Variants in ADAMTS17 observed in about 807,000 individuals in gnomAD.
The protein encoded by ADAMTS17 is A disintegrin and metalloproteinase with thrombospondin motifs 17.
Under a neutral mutation model 141.5 loss-of-function variants are expected in ADAMTS17, and 113 were observed. The ratio of observed to expected loss-of-function variants is 0.80; its 90% CI spans 0.69 to 0.93. ADAMTS17 has a LOEUF of 0.93. Among genes scored for constraint, ADAMTS17 ranks in the 40% least tolerant of loss-of-function variants. ADAMTS17 has a pLI of 0.00. For missense variants in ADAMTS17, 1,659 were observed against 1,517.9 expected, an observed-to-expected ratio of 1.09 and a Z score of -1.54; for synonymous variants, 768 against 630.6, an observed-to-expected ratio of 1.22 and a Z score of -3.27.
intron 11 of ADAMTS17, 21 bp downstream of exon 11, chr15:100,133,193 C>A (rs1475002034): frequency 1.3e-6 from 2 of 1,564,808 alleles, no homozygotes; most frequent in South Asian, 1.2e-5. Context: ...CTGTTGGGGG[C>A]AGTGGGAAGT....
intron 18 of ADAMTS17, among the ~76,000 whole-genome samples, chr15:100,031,010 G>A (rs1330031498): frequency 6.6e-6 from 1 of 152,188 alleles, no homozygotes; most frequent in Non-Finnish European, 1.5e-5. Context: ...GGCGTTCACG[G>A]AGTGCTGACT....
rs188497349 is a variant in ADAMTS17 at position 100,258,517 on chromosome 15, T to G, written c.1031+2962A>C. Among the ~76,000 whole-genome samples the G allele has an allele frequency of 3.2e-3, 487 of 152,318 alleles. 3 individuals carry two copies. The highest frequency in any genetic ancestry group is 5.3e-3 in the Non-Finnish European group (363 of 68,026). Reference sequence around the variant, plus strand: ...GGCTGGGGAGGCCTCACAATCATGGTGGAAGGCGAAAGGCACGTCTCACAT... The same window carrying G: ...GGCTGGGGAGGCCTCACAATCATGGGGGAAGGCGAAAGGCACGTCTCACAT... On this transcript the variant is annotated intron_variant, in intron 6 of 21. Transcript: ENST00000268070.
intron 10 of ADAMTS17, among the ~76,000 whole-genome samples, chr15:100,146,174 C>CA (rs960526698): frequency 2.0e-5 from 3 of 151,698 alleles, no homozygotes; most frequent in Admixed American, 6.6e-5. Context: ...ACTCCATCTC[C>CA]AAAAAAACAA....
At chr15:100,294,442 T>C (rs2044740990) in intron 3 of ADAMTS17, among the ~76,000 whole-genome samples, 1 of 151,554 alleles carries the variant, frequency 6.6e-6, no homozygotes. Context: ...GATACAAAAA[T>C]AACAGTTTTG....
Position 100,309,392 on chromosome 15 carries a change from A to G in ADAMTS17, c.616+21497T>C, listed in dbSNP as rs562501530. On this transcript the variant is annotated intron_variant, in intron 3 of 21. Coordinates refer to ENST00000268070, the MANE Select transcript of ADAMTS17 (RefSeq NM_139057.4). ...ACAAAAAATGGAATGGCTATTCCCC[A>G]CAGCTGTGATGGTGGTCGGCGCTGG... Among the ~76,000 whole-genome samples, 30 of 152,300 alleles carry G rather than the reference A, an allele frequency of 2.0e-4. No homozygotes were observed. The South Asian group carries it at 5.2e-3, about 26-fold the overall frequency.
At chr15:100,164,202 T>C (rs1484977368) in intron 8 of ADAMTS17, among the ~76,000 whole-genome samples, 1 of 152,186 alleles carries the variant, frequency 6.6e-6, no homozygotes, top group Non-Finnish European at 1.5e-5. Context: ...AATGTCCTGA[T>C]GGCTTTGATG....
chr15:100,187,452 A>C (rs937551531), intron 8 of ADAMTS17, among the ~76,000 whole-genome samples: 2 of 152,204 alleles, frequency 1.3e-5, no homozygotes, highest in Admixed American at 6.5e-5. Context: ...AATGCCAGGC[A>C]GGTACCAGGC....
At chr15:100,178,050 A>G (rs973207186) in intron 8 of ADAMTS17, among the ~76,000 whole-genome samples, 23 of 152,020 alleles carry the variant, frequency 1.5e-4, no homozygotes, top group Admixed American at 6.5e-4. Flanking sequence ...CATTCAATCT[A>G]CCTATGTCAT....
At chr15:100,073,010 C>A (rs1224894702) in intron 15 of ADAMTS17, among the ~76,000 whole-genome samples, 1 of 152,140 alleles carries the variant, frequency 6.6e-6, no homozygotes, top group Non-Finnish European at 1.5e-5. Context: ...TTTTTGTAAT[C>A]TACTCATCTG....
chr15:100,084,818 A>C (rs1361349337), intron 15 of ADAMTS17, among the ~76,000 whole-genome samples: 1 of 152,222 alleles, frequency 6.6e-6, no homozygotes, highest in East Asian at 1.9e-4. Context: ...AACAGAAAGG[A>C]CATCCACACC....
chr15:100,212,124 G>A lies in ADAMTS17; in HGVS notation c.1076-12701C>T, dbSNP rs562898270. On this transcript the variant is annotated intron_variant, in intron 7 of 21. Transcript: ENST00000268070. ...TGTGCACGTACCACCACCCCACGAA[G>A]GGATACTATTATCATCCTCATTCAC... Among the ~76,000 whole-genome samples, 4 of 152,220 alleles carry A rather than the reference G, an allele frequency of 2.6e-5. No homozygotes were observed. In the East Asian group the frequency reaches 5.8e-4, roughly 22 times the overall value.
intron 8 of ADAMTS17, among the ~76,000 whole-genome samples, chr15:100,197,501 G>A (rs1424011980): frequency 2.0e-5 from 3 of 152,098 alleles, no homozygotes; most frequent in Admixed American, 6.5e-5. Flanking sequence ...TTGGATACAG[G>A]ATTTTAAGAA....
At chr15:100,171,609 C>T (rs1039637839) in intron 8 of ADAMTS17, among the ~76,000 whole-genome samples, 1 of 152,194 alleles carries the variant, frequency 6.6e-6, no homozygotes, top group Non-Finnish European at 1.5e-5. Flanking sequence ...CCTGCAGCAG[C>T]CCCAGTCCTC....
intron 3 of ADAMTS17, among the ~76,000 whole-genome samples, chr15:100,283,638 T>C (rs1219921266): frequency 6.6e-6 from 1 of 152,188 alleles, no homozygotes; most frequent in Non-Finnish European, 1.5e-5. Flanking sequence ...TTTTCACACC[T>C]TGTCGTATAT....
rs1159392620 is a variant in ADAMTS17 at position 100,341,249 on chromosome 15, G to A, written c.240C>T (p.Ala80=). 4.6e-5 allele frequency: 63 copies of A among 1,357,290 alleles called. No homozygotes were observed. Among genetic ancestry groups the A allele is most frequent in the Non-Finnish European group, 5.7e-5 (60 of 1,052,340 alleles). The allele number at this position is 1,357,290 out of a possible 1,614,324, so 84.1% of individuals were successfully genotyped here. ...CGAAGGCCGGCAGGTGCAGCAGCAG[G>A]GCGCGCTCTCCGGGCCGGGCGCGCG... ...AAPRARPGER[A]LLLHLPAFGR... Residue 80 remains alanine (A), a synonymous_variant, in exon 2 of 22, where the codon GCC becomes GCT. Transcript: ENST00000268070.
At chr15:100,273,052 A>G (rs1186483642) in intron 4 of ADAMTS17, among the ~76,000 whole-genome samples, 7 of 152,180 alleles carry the variant, frequency 4.6e-5, no homozygotes, top group Non-Finnish European at 8.8e-5. Flanking sequence ...CCACTTGATC[A>G]TGATGTATAA....
At chr15:100,239,797 G>C (rs1249747104) in intron 7 of ADAMTS17, among the ~76,000 whole-genome samples, 1 of 152,136 alleles carries the variant, frequency 6.6e-6, no homozygotes, top group African/African-American at 2.4e-5. Context: ...TTGATTTGAC[G>C]AAGAAGTCAG....
intron 13 of ADAMTS17, 39 bp downstream of exon 13, chr15:100,116,808 C>A (rs1377499168): frequency 1.2e-6 from 2 of 1,613,678 alleles, no homozygotes; most frequent in Non-Finnish European, 1.7e-6. Context: ...TAGGGGAGGA[C>A]AGGAGGCTGC....
At chr15:100,139,009 C>T (rs563429508) in intron 10 of ADAMTS17, among the ~76,000 whole-genome samples, 26 of 152,194 alleles carry the variant, frequency 1.7e-4, no homozygotes, top group South Asian at 4.2e-4. Flanking sequence ...GTATTTTGGG[C>T]GATGGACCTG....
Sources: allele counts gnomAD v4.1 joint callset (sites outside exome capture counted in the v4.1 genomes callset), GRCh38; gene constraint gnomAD v4.1.1; transcripts MANE v1.5; gene names NCBI Gene and HGNC (gene_info 2026-07-23, HGNC 2026-07-21).